The following PITPNM3 variants were observed in gnomAD, a reference collection of about 807,000 sequenced individuals.
PITPNM3 encodes the protein membrane-associated phosphatidylinositol transfer protein 3.
Under a neutral mutation model 102.0 loss-of-function variants are expected in PITPNM3, and 26 were observed. The ratio of observed to expected loss-of-function variants is 0.25; its 90% confidence interval spans 0.19 to 0.35. PITPNM3 has a LOEUF of 0.35. Among genes scored for constraint, PITPNM3 ranks in the 10% least tolerant of loss-of-function variants. PITPNM3 has a pLI of 1.00. For missense variants in PITPNM3, 1,083 were observed against 1,346.1 expected (o/e 0.80, Z 3.06); for synonymous variants, 578 against 558.6 (o/e 1.03, Z -0.49).
At chr17:6,554,109 A>T (rs1910465817) in intron 1 of PITPNM3, among the ~76,000 whole-genome samples, 1 of 152,068 alleles carries the variant, frequency 6.6e-6, no homozygotes, top group Non-Finnish European at 1.5e-5. Flanking sequence ...ATTTGAGGTC[A>T]GGAGTTCAAA....
rs569629902 is a variant in PITPNM3 at position 6,474,556 on chromosome 17, C to T, written c.1134G>A (p.Gly378=). The T allele has an allele frequency of 6.3e-7, 1 of 1,599,612 alleles. No individual in the cohort carries two copies. Residue 378 remains glycine, a synonymous_variant, in exon 10 of 20, where the codon GGG becomes GGA. Coordinates refer to ENST00000262483, the MANE Select transcript of PITPNM3 (RefSeq NM_031220.4). ...LKDESETPAA[G]GPQLPEVSLG... ...GGCTGACCTCAGGGAGCTGCGGCCC[C>T]CCAGCCGCCGGGGTCTCAGACTCAT...
Position 6,463,663 on chromosome 17 carries a change from A to G in PITPNM3, c.2306+69T>C, listed in dbSNP as rs554604201. The G allele has an allele frequency of 2.3e-5, 36 of 1,561,328 alleles. No individual in the cohort carries two copies. The African/African-American group carries it at 2.4e-4, about 11-fold the overall frequency. The stretch of plus-strand genomic sequence containing the variant: ...TCCTACAGCAAATCAGAAAAACAAC[A>G]TATTTCCCCCAGGGCTGCTGGCTCC... On this transcript the variant is annotated intron_variant, in intron 17 of 19. Coordinates refer to ENST00000262483, the MANE Select transcript of PITPNM3 (RefSeq NM_031220.4).
At chr17:6,520,461 T>C (rs1908444405) in intron 3 of PITPNM3, among the ~76,000 whole-genome samples, 2 of 152,196 alleles carry the variant, frequency 1.3e-5, no homozygotes, top group African/African-American at 4.8e-5. Context: ...AGTGAATCTA[T>C]ATATACCCAT....
chr17:6,457,833 G>A lies in PITPNM3; in HGVS notation c.2491-111C>T. On this transcript the variant is annotated intron_variant, in intron 18 of 19. Transcript: ENST00000262483. The surrounding 1 kb of genome is among the most constrained non-coding windows in gnomAD (Gnocchi z 4.7). ...CTTGGGGACCCTTTATGTGCACTCT[G>A]GTAGACTCCAAGCCATGGGGCCACC... 2.8e-6 allele frequency: 4 copies of A among 1,435,298 alleles called. No homozygotes were observed. The highest frequency in any genetic ancestry group is 3.8e-6 in the Non-Finnish European group (4 of 1,055,942). 88.9% of individuals were successfully genotyped at this position (1,435,298 alleles called of 1,614,324 possible).
chr17:6,461,631 G>A (rs763357301), intron 17 of PITPNM3, 75 bp from the exon 18 acceptor site: 114 of 1,525,602 alleles, frequency 7.5e-5, no homozygotes, highest in Middle Eastern at 1.9e-4. Flanking sequence ...TGCCCTGCCC[G>A]CAGCTGCCCT....
intron 1 of PITPNM3, among the ~76,000 whole-genome samples, chr17:6,549,270 C>T (rs1292694057): frequency 2.6e-5 from 4 of 152,226 alleles, no homozygotes; most frequent in African/African-American, 9.6e-5. Flanking sequence ...ACTGTGCCAA[C>T]TCCAGCCACA....
intron 4 of PITPNM3, among the ~76,000 whole-genome samples, chr17:6,492,218 C>T (rs1374906850): frequency 1.3e-4 from 19 of 150,836 alleles, no homozygotes; most frequent in Non-Finnish European, 8.9e-5. Flanking sequence ...CGCCCCCCCA[C>T]CATGCCCAGC....
At chr17:6,498,119 G>C (rs982664355) in intron 4 of PITPNM3, among the ~76,000 whole-genome samples, 1 of 152,204 alleles carries the variant, frequency 6.6e-6, no homozygotes, top group East Asian at 1.9e-4. Context: ...CAGCAGGAGG[G>C]GTGAGCCGGG....
At position 6,461,353 on chromosome 17, in the gene PITPNM3, AC is replaced by A. The variant is rs1287723941; in HGVS notation, c.2490+19del. On this transcript the variant is annotated intron_variant, in intron 18 of 19. Transcript: ENST00000262483. ...TGCGCTCTCAAGCCATGGAGTCCCC[AC>A]CCCAGGATGGCCACTCACCTCCTGC... The A allele has an allele frequency of 1.2e-6, 2 of 1,612,606 alleles. No homozygotes were observed. The highest frequency in any genetic ancestry group is 2.7e-5 in the African/African-American group (2 of 74,812).
chr17:6,497,648 C>T (rs1321757736), intron 4 of PITPNM3, among the ~76,000 whole-genome samples: 7 of 152,212 alleles, frequency 4.6e-5, no homozygotes, highest in Non-Finnish European at 7.3e-5. Flanking sequence ...AGACCCTCCC[C>T]GCACGTGGGA....
intron 3 of PITPNM3, among the ~76,000 whole-genome samples, chr17:6,507,904 G>A (rs1278077336): frequency 6.6e-6 from 1 of 152,144 alleles, no homozygotes; most frequent in African/African-American, 2.4e-5. Flanking sequence ...GACTTAGCCT[G>A]GGCAGGATGT....
intron 3 of PITPNM3, among the ~76,000 whole-genome samples, chr17:6,504,554 G>T (rs1267660130): frequency 1.3e-5 from 2 of 152,186 alleles, no homozygotes; most frequent in African/African-American, 4.8e-5. Flanking sequence ...TGGGAAGAGT[G>T]TCCAGCTGGA....
rs569130617 is a variant in PITPNM3, at chr17:6,470,533, G to A, written c.1625-125C>T. ...ACGTGGGGCACGGGTTTGGGCGGGA[G>A]CACCCTGGCCTGGAGGAGGCCTGGG... On this transcript the variant is annotated intron_variant, in intron 12 of 19. Coordinates refer to ENST00000262483, the MANE Select transcript of PITPNM3 (RefSeq NM_031220.4). This position sits in a 1 kb window ranked among gnomAD's most constrained non-coding sequence, Gnocchi z 4.8. 9 of 1,318,550 alleles carry A rather than the reference G, an allele frequency of 6.8e-6. No homozygotes were observed. The South Asian group carries it at 9.7e-5, about 14-fold the overall frequency. 81.7% of individuals were successfully genotyped at this position (1,318,550 alleles called of 1,614,324 possible). A position where few individuals can be genotyped will look rare whatever the true frequency, so the allele number is the denominator to read the frequency against.
chr17:6,478,828 G>T lies in PITPNM3; in HGVS notation c.588-92C>A. ...ATCAGGCAGAAGAGAGCACATACTG[G>T]CCAGGAATTGGGCTCCAGGGACCCT... On this transcript the variant is annotated intron_variant, in intron 6 of 19. Transcript: ENST00000262483. This position sits in a 1 kb window ranked among gnomAD's most constrained non-coding sequence, Gnocchi z 4.4. The T allele has an allele frequency of 7.6e-7, 1 of 1,308,844 alleles. No individual in the cohort carries two copies. The highest frequency in any genetic ancestry group is 1.0e-6 in the Non-Finnish European group (1 of 965,034). 81.1% of individuals were successfully genotyped at this position (1,308,844 alleles called of 1,614,324 possible).
At chr17:6,475,797 A>G (rs1213861317) in intron 9 of PITPNM3, among the ~76,000 whole-genome samples, 1 of 152,204 alleles carries the variant, frequency 6.6e-6, no homozygotes, top group African/African-American at 2.4e-5. Context: ...TTTTTCAAGG[A>G]TGAGCCAGGA....
intron 4 of PITPNM3, among the ~76,000 whole-genome samples, chr17:6,491,655 C>G (rs1470504337): frequency 6.6e-6 from 1 of 151,958 alleles, no homozygotes; most frequent in Non-Finnish European, 1.5e-5. Flanking sequence ...AGACTGCAGG[C>G]CACCCTCCTC....
At chr17:6,496,067 G>A (rs1906796884) in intron 4 of PITPNM3, among the ~76,000 whole-genome samples, 1 of 152,182 alleles carries the variant, frequency 6.6e-6, no homozygotes. Context: ...GCTCATGCAG[G>A]AGCCTCTCTG....
chr17:6,482,858 C>T (rs1905824815), intron 6 of PITPNM3, among the ~76,000 whole-genome samples: 1 of 152,028 alleles, frequency 6.6e-6, no homozygotes, highest in African/African-American at 2.4e-5. Context: ...CAGATTCCTA[C>T]TTGGCTGCAA....
intron 17 of PITPNM3, among the ~76,000 whole-genome samples, chr17:6,462,731 G>A (rs1368425372): frequency 6.6e-6 from 1 of 152,140 alleles, no homozygotes; most frequent in Non-Finnish European, 1.5e-5. Flanking sequence ...TCTAAAACTG[G>A]ATGATGATCT....
Sources: gnomAD v4.1 joint callset for allele counts (sites outside exome capture counted in the v4.1 genomes callset) on GRCh38, gnomAD v4.1.1 for gene constraint, Gnocchi (gnomAD v3.1) non-coding constraint, MANE v1.5 for transcripts, NCBI Gene and HGNC (gene_info 2026-07-23, HGNC 2026-07-21) for gene names.